CMTM8: variants seen among roughly 807,000 people sequenced by gnomAD.
CMTM8 encodes CKLF like MARVEL transmembrane domain containing 8.
CMTM8 carries 12 observed loss-of-function variants against 18.6 expected under a neutral mutation model. The ratio of observed to expected loss-of-function variants is 0.65; its 90% CI spans 0.41 to 1.05. The LOEUF (loss-of-function observed/expected upper bound fraction) is 1.05. Ranked by LOEUF, CMTM8 falls within the 50% of genes least tolerant of loss-of-function variation. The pLI is 0.00. For missense variants in CMTM8, 217 were observed against 227.2 expected (o/e 0.95, Z 0.29); for synonymous variants, 87 against 90.6 (o/e 0.96, Z 0.23).
At chr3:32,257,765 G>A (rs1296945147) in intron 1 of CMTM8, among the ~76,000 whole-genome samples, 1 of 152,030 alleles carries the variant, frequency 6.6e-6, no homozygotes, top group African/African-American at 2.4e-5. Flanking sequence ...GTCATTTGGT[G>A]ATTAATGGTT....
At chr3:32,368,057 A>G (rs1559392497) in intron 3 of CMTM8, 69 bp downstream of exon 3, 4 of 1,100,928 alleles carry the variant, frequency 3.6e-6, no homozygotes, top group Non-Finnish European at 5.5e-6. Flanking sequence ...ATTGGGGAAG[A>G]CAGAGTCATC....
chr3:32,350,943 G>GC (rs1559387022), intron 1 of CMTM8, among the ~76,000 whole-genome samples: 2 of 152,338 alleles, frequency 1.3e-5, no homozygotes, highest in South Asian at 2.1e-4. Context: ...ACAGGTGTGA[G>GC]CCACCGCACC....
chr3:32,337,609 G>A (rs1320277200), intron 1 of CMTM8, among the ~76,000 whole-genome samples: 3 of 152,198 alleles, frequency 2.0e-5, no homozygotes, highest in Non-Finnish European at 4.4e-5. Flanking sequence ...GGTGTGTGGA[G>A]CAGCCCATGA....
intron 1 of CMTM8, among the ~76,000 whole-genome samples, chr3:32,324,706 T>A (rs947173340): frequency 6.6e-6 from 1 of 151,594 alleles, no homozygotes; most frequent in Non-Finnish European, 1.5e-5. Context: ...CAGAATTACC[T>A]ACCAACCCCC....
intron 1 of CMTM8, among the ~76,000 whole-genome samples, chr3:32,276,385 C>T (rs1222936831): frequency 6.6e-6 from 1 of 152,154 alleles, no homozygotes; most frequent in Non-Finnish European, 1.5e-5. Context: ...TTTTTATTCT[C>T]ATTGTGCAAC....
chr3:32,361,697 T>C (rs1467333054), intron 2 of CMTM8, among the ~76,000 whole-genome samples: 2 of 152,140 alleles, frequency 1.3e-5, no homozygotes, highest in African/African-American at 4.8e-5. Flanking sequence ...CTCATCCCCT[T>C]AATGTGTCTG....
At chr3:32,364,251 T>C (rs1696988095) in intron 2 of CMTM8, among the ~76,000 whole-genome samples, 1 of 152,188 alleles carries the variant, frequency 6.6e-6, no homozygotes, top group Admixed American at 6.5e-5. Context: ...ACGCCTGTAA[T>C]CCCAGCACTT....
At chr3:32,320,244 G>T (rs1352818307) in intron 1 of CMTM8, among the ~76,000 whole-genome samples, 2 of 152,150 alleles carry the variant, frequency 1.3e-5, no homozygotes, top group Admixed American at 6.5e-5. Flanking sequence ...GTCACCTGAT[G>T]AATCTATAAA....
At chr3:32,261,394 T>C (rs1702256120) in intron 1 of CMTM8, among the ~76,000 whole-genome samples, 1 of 152,140 alleles carries the variant, frequency 6.6e-6, no homozygotes, top group Non-Finnish European at 1.5e-5. Flanking sequence ...AAAAATATGC[T>C]TAAAAATATA....
chr3:32,280,854 A>C (rs967347068), intron 1 of CMTM8, among the ~76,000 whole-genome samples: 2 of 119,964 alleles, frequency 1.7e-5, no homozygotes, highest in Non-Finnish European at 3.8e-5. Context: ...GGCAAAAAAA[A>C]AAAAAAAAAA....
At chr3:32,260,443 T>G (rs1702240906) in intron 1 of CMTM8, among the ~76,000 whole-genome samples, 1 of 152,258 alleles carries the variant, frequency 6.6e-6, no homozygotes, top group African/African-American at 2.4e-5. Flanking sequence ...AATTTTGTTT[T>G]CAAATGTCTA....
intron 1 of CMTM8, among the ~76,000 whole-genome samples, chr3:32,286,866 G>A (rs771787590): frequency 1.3e-5 from 2 of 152,238 alleles, no homozygotes; most frequent in Non-Finnish European, 2.9e-5. Flanking sequence ...CCCGAGGGCC[G>A]CAGGTTGGAC....
At chr3:32,266,400 A>G (rs1317866264) in intron 1 of CMTM8, among the ~76,000 whole-genome samples, 1 of 152,234 alleles carries the variant, frequency 6.6e-6, no homozygotes, top group Non-Finnish European at 1.5e-5. Context: ...GACAAAATTC[A>G]ACAGCCCTTC....
intron 1 of CMTM8, among the ~76,000 whole-genome samples, chr3:32,322,430 A>G (rs549912492): frequency 1.3e-5 from 2 of 152,362 alleles, no homozygotes; most frequent in South Asian, 2.1e-4. Context: ...ATGAAGTTGT[A>G]TGACACCAAG....
chr3:32,336,747 C>G (rs1443424808), intron 1 of CMTM8, among the ~76,000 whole-genome samples: 1 of 152,182 alleles, frequency 6.6e-6, no homozygotes, highest in Non-Finnish European at 1.5e-5. Context: ...TCCTGTAAGC[C>G]TTTATCTCAG....
intron 3 of CMTM8, among the ~76,000 whole-genome samples, chr3:32,368,485 G>C (rs1697088695): frequency 1.3e-5 from 2 of 149,340 alleles, no homozygotes; most frequent in Middle Eastern, 3.4e-3. Flanking sequence ...TTTAGAGAAG[G>C]GGTCTTGCTC....
At chr3:32,284,628 C>T (rs1288507442) in intron 1 of CMTM8, among the ~76,000 whole-genome samples, 1 of 152,154 alleles carries the variant, frequency 6.6e-6, no homozygotes, top group East Asian at 1.9e-4. Context: ...TCTCCAGCAC[C>T]GACCTGTGAT....
intron 1 of CMTM8, among the ~76,000 whole-genome samples, chr3:32,242,675 C>T (rs546773429): frequency 2.8e-4 from 43 of 152,198 alleles, no homozygotes; most frequent in African/African-American, 1.0e-3. Context: ...CCCCTGACTT[C>T]TGGAAATGTG....
chr3:32,267,289 T>C (rs1474731738), intron 1 of CMTM8, among the ~76,000 whole-genome samples: 1 of 151,958 alleles, frequency 6.6e-6, no homozygotes, highest in Admixed American at 6.6e-5. Flanking sequence ...CCCTCAGAAA[T>C]AATGCCACAC....
Sources: gnomAD v4.1 joint callset for allele counts (sites outside exome capture counted in the v4.1 genomes callset) on GRCh38, gnomAD v4.1.1 for gene constraint, MANE v1.5 for transcripts, NCBI Gene and HGNC (gene_info 2026-07-23, HGNC 2026-07-21) for gene names.